Variants in AGPAT3 observed in about 807,000 individuals in gnomAD.
AGPAT3 encodes the protein 1-acylglycerol-3-phosphate O-acyltransferase 3.
In AGPAT3, 5 loss-of-function variants were observed where a neutral mutation model predicts 47.3. The observed-to-expected ratio is 0.11, with a 90% CI of 0.06 to 0.22. The LOEUF (loss-of-function observed/expected upper bound fraction) is 0.22, where lower values mean the gene tolerates loss of function less well. Ranked by LOEUF, AGPAT3 falls within the 10% of genes least tolerant of loss-of-function variation. The probability of loss-of-function intolerance (pLI) is 1.00; values close to 1 mark genes in which losing one functional copy is unlikely to be tolerated. For synonymous variants in AGPAT3, 212 were observed against 208.3 expected (o/e 1.02, Z -0.15); for missense variants, 315 against 493.0 (o/e 0.64, Z 3.42).
In AGPAT3 at chr21:43,932,315, G is replaced by A. The variant is rs2087277803; in HGVS notation, c.-48-27319G>A. The stretch of plus-strand genomic sequence containing the variant: ...CCACCGTGCTCCTCCCAGTTCTGGT[G>A]AGACCTCCGTTTCCGATTCCTCGTG... On this transcript the variant is annotated intron_variant, in intron 2 of 9. Coordinates refer to ENST00000291572, the MANE Select transcript of AGPAT3 (RefSeq NM_020132.5). This position sits in a 1 kb window ranked among gnomAD's most constrained non-coding sequence, Gnocchi z 5.2. 1.3e-5 allele frequency among the ~76,000 whole-genome samples: 2 copies of A among 152,156 alleles called. No individual in the cohort carries two copies. Among genetic ancestry groups the A allele is most frequent in the African/African-American group, 4.8e-5 (2 of 41,442 alleles).
At chr21:43,881,845 G>A (rs1246823580) in intron 1 of AGPAT3, among the ~76,000 whole-genome samples, 1 of 152,100 alleles carries the variant, frequency 6.6e-6, no homozygotes, top group Non-Finnish European at 1.5e-5. Flanking sequence ...TAATAGAGAC[G>A]GGGGTTTCAT....
At position 43,969,107 on chromosome 21, in the gene AGPAT3, CCT is replaced by C; in HGVS notation, c.349-9_349-8del. On this transcript the variant is annotated splice_polypyrimidine_tract_variant and intron_variant, in intron 4 of 9. Transcript: ENST00000291572. ...TGAAGTGCCAGGTGCCCCTCCTTCT[CCT>C]CCCTCCAGAGCTCCAAGGTCCTCGC... is the stretch of plus-strand genomic sequence containing the variant. 6.2e-7 allele frequency: 1 copy of C among 1,613,118 alleles called. No homozygotes were observed. The highest frequency in any genetic ancestry group is 1.1e-5 in the South Asian group (1 of 91,058).
intron 2 of AGPAT3, among the ~76,000 whole-genome samples, chr21:43,925,670 G>A (rs999544176): frequency 1.3e-5 from 2 of 152,210 alleles, no homozygotes; most frequent in Admixed American, 6.5e-5. Context: ...CCCTCAGGGG[G>A]CATTGACCCC....
chr21:43,878,355 G>T (rs2085779339), intron 1 of AGPAT3, among the ~76,000 whole-genome samples: 1 of 152,214 alleles, frequency 6.6e-6, no homozygotes, highest in African/African-American at 2.4e-5. Context: ...TCACGTCGTG[G>T]CTCTGTCTCT....
Position 43,959,624 on chromosome 21 carries a change from G to C in AGPAT3, c.-48-10G>C. 6.2e-7 allele frequency: 1 copy of C among 1,603,086 alleles called. No homozygotes were observed. The highest frequency in any genetic ancestry group is 8.5e-7 in the Non-Finnish European group (1 of 1,179,264). Reference sequence around the variant, plus strand: ...CCACCCTGACGCTGTCCCTGTCCCTGTCTTTGCAGGACGGCTGTCCTCAGC... The same window carrying C: ...CCACCCTGACGCTGTCCCTGTCCCTCTCTTTGCAGGACGGCTGTCCTCAGC... On this transcript the variant is annotated splice_polypyrimidine_tract_variant and intron_variant, in intron 2 of 9. Transcript: ENST00000291572.
chr21:43,881,780 T>G (rs1376815232), intron 1 of AGPAT3, among the ~76,000 whole-genome samples: 1 of 152,108 alleles, frequency 6.6e-6, no homozygotes, highest in East Asian at 1.9e-4. Flanking sequence ...CTCAGCCTCC[T>G]GAGTAGCTGG....
At chr21:43,974,462 A>G (rs1279131467) in intron 7 of AGPAT3, among the ~76,000 whole-genome samples, 4 of 150,188 alleles carry the variant, frequency 2.7e-5, no homozygotes, top group Non-Finnish European at 5.9e-5. Context: ...ATAAATTATA[A>G]ATGTGCATGT....
At chr21:43,944,718 T>C (rs980685853) in intron 2 of AGPAT3, among the ~76,000 whole-genome samples, 3 of 151,808 alleles carry the variant, frequency 2.0e-5, no homozygotes, top group Admixed American at 6.6e-5. Flanking sequence ...AAAACTTGGG[T>C]TTCATCTAAG....
intron 2 of AGPAT3, among the ~76,000 whole-genome samples, chr21:43,931,229 C>T (rs886158514): frequency 2.6e-5 from 4 of 152,164 alleles, no homozygotes; most frequent in Non-Finnish European, 4.4e-5. Flanking sequence ...TTCCCCGCAT[C>T]TGGTGCTAGT....
intron 1 of AGPAT3, chr21:43,866,612 A>G (rs987726229): frequency 6.6e-6 from 1 of 151,406 alleles, no homozygotes; most frequent in Admixed American, 6.6e-5. Context: ...CCTCCCCCAC[A>G]GAGTTCGGCG....
chr21:43,983,866 A>G lies in AGPAT3; in HGVS notation c.*1474A>G, dbSNP rs557749045. On this transcript the variant is annotated 3_prime_UTR_variant, in exon 10 of 10. Transcript: ENST00000291572. ...TGATATCTTGAAACCAGCGTTCTGA[A>G]TAGAGGTAGGTTGAGTTTTCTAGGG... The G allele has an allele frequency of 8.5e-5, 13 of 152,384 alleles. No individual in the cohort carries two copies. Among genetic ancestry groups the G allele is most frequent in the Non-Finnish European group, 7.3e-5 (5 of 68,042 alleles). The allele number at this position is 152,384 out of a possible 1,614,324, so 9.4% of individuals were successfully genotyped here.
At chr21:43,979,977 A>G (rs931902031) in intron 8 of AGPAT3, among the ~76,000 whole-genome samples, 2 of 152,178 alleles carry the variant, frequency 1.3e-5, no homozygotes, top group African/African-American at 4.8e-5. Context: ...ACAGTCTCCA[A>G]CCATCTTTAA....
chr21:43,900,727 G>A (rs2086329624), intron 1 of AGPAT3, among the ~76,000 whole-genome samples: 1 of 152,130 alleles, frequency 6.6e-6, no homozygotes, highest in Non-Finnish European at 1.5e-5. Flanking sequence ...TTCACAGGGT[G>A]GGGTGAATCT....
chr21:43,969,071 C>A (rs1463253422), intron 4 of AGPAT3, 47 bp from the exon 5 acceptor site: 18 of 1,603,214 alleles, frequency 1.1e-5, no homozygotes, highest in Non-Finnish European at 1.5e-5. Context: ...CCCCTGGCCT[C>A]TGTCCGACGC....
rs563503209 is a variant in AGPAT3, at chr21:43,915,238, G to A, written c.-49+11219G>A. 2.6e-5 allele frequency among the ~76,000 whole-genome samples: 4 copies of A among 151,224 alleles called. No homozygotes were observed. The South Asian group carries it at 8.4e-4, about 32-fold the overall frequency. On this transcript the variant is annotated intron_variant, in intron 2 of 9. Transcript: ENST00000291572. ...GGCTAATTTTTGTATTTTTAGTAGA[G>A]ATGGGATTTTACCATGTTGGCCAGG...
Position 43,982,719 on chromosome 21 carries a change from A to G in AGPAT3, c.*327A>G, listed in dbSNP as rs937701886. 2 of 190,172 alleles carry G rather than the reference A, an allele frequency of 1.1e-5. No homozygotes were observed. Among genetic ancestry groups the G allele is most frequent in the African/African-American group, 2.4e-5 (1 of 42,046 alleles). The allele number at this position is 190,172 out of a possible 1,614,324, so 11.8% of individuals were successfully genotyped here. A position where few individuals can be genotyped will look rare whatever the true frequency, so the allele number is the denominator to read the frequency against. On this transcript the variant is annotated 3_prime_UTR_variant, in exon 10 of 10. Coordinates refer to ENST00000291572, the MANE Select transcript of AGPAT3 (RefSeq NM_020132.5). The surrounding 1 kb of genome is among the most constrained non-coding windows in gnomAD (Gnocchi z 6.2). ...GCTTTCTCTCCTTAAACTTAGATCA[A>G]ATTTTTTGGTTTTTAATCAGTTATC...
At chr21:43,873,927 A>G (rs2085678393) in intron 1 of AGPAT3, among the ~76,000 whole-genome samples, 1 of 151,384 alleles carries the variant, frequency 6.6e-6, no homozygotes, top group Non-Finnish European at 1.5e-5. Context: ...TTCCTTCTAC[A>G]CTCTTTGGGT....
intron 6 of AGPAT3, among the ~76,000 whole-genome samples, 169 bp from the exon 7 acceptor site, chr21:43,971,219 A>T (rs866545600): frequency 6.6e-6 from 1 of 152,206 alleles, no homozygotes; most frequent in Non-Finnish European, 1.5e-5. Context: ...AGAGGGGGAA[A>T]GAAAACTTAG....
intron 3 of AGPAT3, chr21:43,967,681 T>A (rs186182916): frequency 4.7e-4 from 209 of 440,304 alleles, no homozygotes; most frequent in African/African-American, 3.7e-3. Flanking sequence ...GTGAGAAGCG[T>A]AATTGGGCGT....
Sources: allele counts gnomAD v4.1 joint callset (sites outside exome capture counted in the v4.1 genomes callset), GRCh38; gene constraint gnomAD v4.1.1; non-coding constraint Gnocchi (gnomAD v3.1); transcripts MANE v1.5; gene names NCBI Gene and HGNC (gene_info 2026-07-23, HGNC 2026-07-21).